Variants in TBL1XR1 observed in about 807,000 individuals in gnomAD.
TBL1XR1 encodes TBL1X/Y related 1, also known as F-box-like/WD repeat-containing protein TBL1XR1.
A neutral mutation model predicts 66.9 loss-of-function variants in TBL1XR1; 5 were observed. That is an observed-to-expected ratio of 0.07 (90% CI 0.04 to 0.16). The LOEUF is 0.16. TBL1XR1 is among the 10% of genes least tolerant of loss of function. The pLI, the probability that TBL1XR1 is intolerant of heterozygous loss-of-function variation, is 1.00. For synonymous variants in TBL1XR1, 210 were observed against 206.0 expected (o/e 1.02, Z -0.17); for missense variants, 238 against 623.2 (o/e 0.38, Z 6.58).
chr3:177,121,756 G>A (rs191722951), intron 1 of TBL1XR1, among the ~76,000 whole-genome samples: 1 of 152,176 alleles, frequency 6.6e-6, no homozygotes, highest in Admixed American at 6.5e-5. Flanking sequence ...TTCCTTGTGA[G>A]GTTTACAGAA....
At chr3:177,040,335 A>T (rs1443302964) in intron 10 of TBL1XR1, among the ~76,000 whole-genome samples, 1 of 152,164 alleles carries the variant, frequency 6.6e-6, no homozygotes, top group Non-Finnish European at 1.5e-5. Context: ...AAAAACAAAA[A>T]GTTTAGCTAT....
chr3:177,045,952 T>C (rs750933878), intron 10 of TBL1XR1, among the ~76,000 whole-genome samples, 177 bp downstream of exon 10: 20 of 152,168 alleles, frequency 1.3e-4, no homozygotes, highest in Non-Finnish European at 2.9e-5. Context: ...CAGAAAACGT[T>C]TGATGATCCT....
intron 1 of TBL1XR1, among the ~76,000 whole-genome samples, chr3:177,152,866 G>C (rs1560234523): frequency 6.6e-6 from 1 of 151,950 alleles, no homozygotes; most frequent in Non-Finnish European, 1.5e-5. Flanking sequence ...CGCAATTCTG[G>C]CTCACATTCC....
chr3:177,173,872 A>G (rs941755531), intron 1 of TBL1XR1, among the ~76,000 whole-genome samples: 3 of 152,236 alleles, frequency 2.0e-5, no homozygotes, highest in Non-Finnish European at 2.9e-5. Flanking sequence ...TCAAAAGTTA[A>G]TATTTTTAAA....
At chr3:177,138,942 T>C (rs561802502) in intron 1 of TBL1XR1, among the ~76,000 whole-genome samples, 3 of 152,142 alleles carry the variant, frequency 2.0e-5, no homozygotes, top group East Asian at 3.9e-4. Context: ...ACAGAACCTG[T>C]CACCAAAACT....
intron 13 of TBL1XR1, 80 bp from the exon 14 acceptor site, chr3:177,033,216 T>A (rs1714255306): frequency 2.4e-6 from 3 of 1,260,014 alleles, no homozygotes; most frequent in Non-Finnish European, 3.1e-6. Flanking sequence ...CCTCCCATAT[T>A]CAGCCAAATC....
At chr3:177,034,511 TAA>T (rs5854736) in intron 12 of TBL1XR1, among the ~76,000 whole-genome samples, 186 bp from the exon 13 acceptor site, 1 of 149,966 alleles carries the variant, frequency 6.7e-6, no homozygotes, top group East Asian at 1.9e-4. Flanking sequence ...CATCTCTGTT[TAA>T]AAAAAAAAGT....
intron 1 of TBL1XR1, among the ~76,000 whole-genome samples, chr3:177,131,882 G>T (rs893943741): frequency 1.4e-5 from 2 of 146,980 alleles, no homozygotes; most frequent in Admixed American, 7.0e-5. Context: ...CTGCTCTACT[G>T]GCATTTACAT....
intron 1 of TBL1XR1, among the ~76,000 whole-genome samples, chr3:177,124,785 G>C (rs923432575): frequency 6.6e-6 from 1 of 152,122 alleles, no homozygotes; most frequent in African/African-American, 2.4e-5. Flanking sequence ...TCAACTGCTA[G>C]TAAGATCTAG....
intron 14 of TBL1XR1, chr3:177,027,782 T>A (rs1199813332): frequency 2.0e-5 from 3 of 152,216 alleles, no homozygotes; most frequent in Non-Finnish European, 2.9e-5. Flanking sequence ...CTACTGATTA[T>A]CAGGCTGGGA....
chr3:177,185,218 C>G (rs1735261878), intron 1 of TBL1XR1, among the ~76,000 whole-genome samples: 1 of 152,186 alleles, frequency 6.6e-6, no homozygotes, highest in African/African-American at 2.4e-5. Context: ...TAGAGTCACT[C>G]TAAGCACACA....
At chr3:177,131,654 A>G (rs1728307728) in intron 1 of TBL1XR1, among the ~76,000 whole-genome samples, 1 of 151,896 alleles carries the variant, frequency 6.6e-6, no homozygotes, top group Non-Finnish European at 1.5e-5. Flanking sequence ...GGCATGTACC[A>G]CCATGCCCGG....
At position 177,019,612 on chromosome 3, in the gene TBL1XR1, T is replaced by C. The variant is rs554389405; in HGVS notation, c.*5886A>G. 1.1e-4 allele frequency: 16 copies of C among 152,294 alleles called. No individual in the cohort carries two copies. Among genetic ancestry groups the C allele is most frequent in the Admixed American group, 3.9e-4 (6 of 15,294 alleles). The allele number at this position is 152,294 out of a possible 1,614,324, so 9.4% of individuals were successfully genotyped here. A position where few individuals can be genotyped will look rare whatever the true frequency, so the allele number is the denominator to read the frequency against. On this transcript the variant is annotated 3_prime_UTR_variant, in exon 16 of 16. Coordinates refer to ENST00000457928, the MANE Select transcript of TBL1XR1 (RefSeq NM_024665.7). ...TCCACTGTATTTTTTCAAATGAATA[T>C]ATTGGTAAAACAGTAAACTTTGATC...
At chr3:177,035,499 C>T (rs983449557) in intron 12 of TBL1XR1, among the ~76,000 whole-genome samples, 3 of 151,572 alleles carry the variant, frequency 2.0e-5, no homozygotes, top group South Asian at 2.1e-4. Context: ...ACTGCAACTC[C>T]GTCCCCCGGG....
intron 14 of TBL1XR1, among the ~76,000 whole-genome samples, chr3:177,031,910 C>T (rs1303793949): frequency 6.6e-6 from 1 of 151,848 alleles, no homozygotes; most frequent in African/African-American, 2.4e-5. Flanking sequence ...TGCTAGAAAT[C>T]AAAGACAATG....
chr3:177,145,377 A>C (rs1383292771), intron 1 of TBL1XR1, among the ~76,000 whole-genome samples: 17 of 152,176 alleles, frequency 1.1e-4, no homozygotes, highest in Admixed American at 7.2e-4. Flanking sequence ...CTATAGAAAA[A>C]GTCTGCTAAC....
chr3:177,033,261 C>T (rs753901948), intron 13 of TBL1XR1, 125 bp from the exon 14 acceptor site: 36 of 625,600 alleles, frequency 5.8e-5, no homozygotes, highest in Middle Eastern at 4.8e-4. Context: ...AGCAGACCGA[C>T]TGGACTGTTA....
At position 177,073,817 on chromosome 3, in the gene TBL1XR1, C is replaced by T. The variant is rs574414092; in HGVS notation, c.-45-8795G>A. ...GCGCACTGCTCCCGCAACACACTGT[C>T]TTTCCTTCTGGTGGGATTCAGCACG... is the stretch of plus-strand genomic sequence containing the variant. On this transcript the variant is annotated intron_variant, in intron 2 of 15. Transcript: ENST00000457928. Among the ~76,000 whole-genome samples, 20 of 152,348 alleles carry T rather than the reference C, an allele frequency of 1.3e-4. No homozygotes were observed. In the South Asian group the frequency reaches 2.5e-3, roughly 19 times the overall value.
chr3:177,197,939 G>A (rs1737132910), upstream of TBL1XR1, among the ~76,000 whole-genome samples: 1 of 150,606 alleles, frequency 6.6e-6, no homozygotes, highest in Non-Finnish European at 1.5e-5. Context: ...GGCCCGCGCG[G>A]TGGCCGGGGT....
Sources: gnomAD v4.1 joint callset for allele counts (sites outside exome capture counted in the v4.1 genomes callset) on GRCh38, gnomAD v4.1.1 for gene constraint, MANE v1.5 for transcripts, NCBI Gene and HGNC (gene_info 2026-07-23, HGNC 2026-07-21) for gene names.